Variants in UQCC1 observed in about 807,000 individuals in gnomAD.
The protein encoded by UQCC1 is bFGF-repressed Zic-binding protein.
UQCC1 carries 38 observed loss-of-function variants against 48.0 expected under a neutral mutation model. The ratio of observed to expected loss-of-function variants is 0.79; its 90% CI spans 0.61 to 1.04. The LOEUF (loss-of-function observed/expected upper bound fraction) is 1.04, where lower values mean the gene tolerates loss of function less well. Ranked by LOEUF, UQCC1 falls within the 50% of genes least tolerant of loss-of-function variation. UQCC1 has a pLI of 0.00. For synonymous variants in UQCC1, 111 were observed against 129.2 expected, an observed-to-expected ratio of 0.86 and a Z score of 0.95; for missense variants, 368 against 381.8, an observed-to-expected ratio of 0.96 and a Z score of 0.30.
At chr20:35,371,344 G>GT (rs397721939) in intron 5 of UQCC1, among the ~76,000 whole-genome samples, 77,785 of 144,908 alleles carry the variant, frequency 0.54, 21,874 homozygotes, top group East Asian at 0.67. Flanking sequence ...GGTTTTTTTT[G>GT]TTTTTTTTTT....
intron 7 of UQCC1, among the ~76,000 whole-genome samples, chr20:35,334,489 T>C (rs1259935432): frequency 6.6e-6 from 1 of 152,228 alleles, no homozygotes; most frequent in Non-Finnish European, 1.5e-5. Context: ...ATTCTCTTCT[T>C]GTCTAGCAAA....
chr20:35,386,884 C>T (rs2061950240), intron 2 of UQCC1, among the ~76,000 whole-genome samples: 1 of 151,902 alleles, frequency 6.6e-6, no homozygotes, highest in South Asian at 2.1e-4. Context: ...TATAAACACA[C>T]ACATTTACTT....
intron 5 of UQCC1, among the ~76,000 whole-genome samples, chr20:35,369,502 A>G (rs985032740): frequency 1.3e-5 from 2 of 152,242 alleles, no homozygotes; most frequent in Non-Finnish European, 2.9e-5. Context: ...GTTGGATACA[A>G]TTAAATAGTT....
intron 2 of UQCC1, among the ~76,000 whole-genome samples, chr20:35,391,633 T>TA (rs11483909): frequency 0.94 from 137,128 of 145,462 alleles, 64,719 homozygotes; most frequent in East Asian, 0.99. Flanking sequence ...GACTCTGTCT[T>TA]AAAAAAAAAA....
chr20:35,303,880 C>A lies in UQCC1; in HGVS notation c.*55G>T. On this transcript the variant is annotated 3_prime_UTR_variant, in exon 10 of 10. Coordinates refer to ENST00000374385, the MANE Select transcript of UQCC1 (RefSeq NM_018244.5). ...CAGGGTCCTGGACCAACAGGCACTT[C>A]TCTCCTGGAGGTTCCTCGAAGCCAG... 2.5e-6 allele frequency: 4 copies of A among 1,613,422 alleles called. No homozygotes were observed. Among genetic ancestry groups the A allele is most frequent in the Non-Finnish European group, 3.4e-6 (4 of 1,179,578 alleles).
In UQCC1 at chr20:35,303,105, T is replaced by A. The variant is rs2060888068; in HGVS notation, c.*830A>T. 6.6e-6 allele frequency: 1 copy of A among 152,170 alleles called. No homozygotes were observed. The highest frequency in any genetic ancestry group is 1.5e-5 in the Non-Finnish European group (1 of 68,040). The allele number at this position is 152,170 out of a possible 1,614,324, so 9.4% of individuals were successfully genotyped here. On this transcript the variant is annotated 3_prime_UTR_variant, in exon 10 of 10. Coordinates refer to ENST00000374385, the MANE Select transcript of UQCC1 (RefSeq NM_018244.5). Reference sequence around the variant, plus strand: ...CAACTAAGCCAGGAGGAATGTTCTCTTCTCCCCAGTATCTCATGAAAGGGG... The same window carrying A: ...CAACTAAGCCAGGAGGAATGTTCTCATCTCCCCAGTATCTCATGAAAGGGG...
At chr20:35,352,017 C>T (rs1354103353) in intron 6 of UQCC1, among the ~76,000 whole-genome samples, 1 of 152,236 alleles carries the variant, frequency 6.6e-6, no homozygotes, top group Non-Finnish European at 1.5e-5. Context: ...GTACACCACA[C>T]ATCAACAGCC....
chr20:35,375,947 T>TAAA (rs11367331), intron 4 of UQCC1, among the ~76,000 whole-genome samples: 2 of 64,726 alleles, frequency 3.1e-5, no homozygotes, highest in African/African-American at 1.3e-4. Context: ...GGACCTTGCC[T>TAAA]AAAAAAAAAA....
intron 7 of UQCC1, among the ~76,000 whole-genome samples, chr20:35,342,547 G>A (rs1196774628): frequency 6.6e-6 from 1 of 152,208 alleles, no homozygotes; most frequent in Non-Finnish European, 1.5e-5. Flanking sequence ...AAATCTGCCT[G>A]CACCAGGAGA....
intron 6 of UQCC1, among the ~76,000 whole-genome samples, chr20:35,351,049 A>G (rs2061484988): frequency 6.6e-6 from 1 of 151,842 alleles, no homozygotes. Flanking sequence ...TCTCAAAACA[A>G]AAAAACAAAA....
chr20:35,366,845 G>A (rs2061672958), intron 5 of UQCC1, among the ~76,000 whole-genome samples: 1 of 152,010 alleles, frequency 6.6e-6, no homozygotes, highest in Admixed American at 6.6e-5. Context: ...TGTAATTCCA[G>A]CACTTTGGGA....
intron 8 of UQCC1, among the ~76,000 whole-genome samples, chr20:35,309,723 G>A (rs2146297287): frequency 6.6e-6 from 1 of 152,316 alleles, no homozygotes; most frequent in East Asian, 1.9e-4. Context: ...AAGCCAAGGG[G>A]ATTGTTTCAG....
intron 2 of UQCC1, among the ~76,000 whole-genome samples, chr20:35,388,733 A>G (rs909056022): frequency 3.3e-5 from 5 of 152,158 alleles, no homozygotes; most frequent in African/African-American, 1.2e-4. Flanking sequence ...ATGCACACTT[A>G]ATACCCAGAT....
At chr20:35,348,749 G>A (rs2061458487) in intron 6 of UQCC1, among the ~76,000 whole-genome samples, 1 of 152,112 alleles carries the variant, frequency 6.6e-6, no homozygotes, top group Admixed American at 6.6e-5. Context: ...AACCTCCCGG[G>A]CTTAAGGGAG....
At chr20:35,384,187 T>G (rs2061910224) in intron 2 of UQCC1, 54 bp from the exon 3 acceptor site, 2 of 1,452,198 alleles carry the variant, frequency 1.4e-6, no homozygotes, top group Non-Finnish European at 1.9e-6. Flanking sequence ...AGGGTTAATC[T>G]GAACAGAGCT....
chr20:35,402,163 C>T (rs2062174537), intron 1 of UQCC1, among the ~76,000 whole-genome samples: 1 of 152,138 alleles, frequency 6.6e-6, no homozygotes, highest in South Asian at 2.1e-4. Flanking sequence ...TGAATACAGG[C>T]CGGGCATAGT....
Position 35,359,416 on chromosome 20 carries a change from A to G in UQCC1, c.464+7141T>C, listed in dbSNP as rs76017920. ...ATAAGACAAATCGGAAGGCAACAAC[A>G]CTGTCTGTAGAGTTCAAAGGAATAG... On this transcript the variant is annotated intron_variant, in intron 6 of 9. Transcript: ENST00000374385. Among the ~76,000 whole-genome samples the G allele has an allele frequency of 1.8e-3, 277 of 152,248 alleles. 1 individual carries two copies. The East Asian group carries it at 0.02, about 11-fold the overall frequency.
chr20:35,394,019 A>G, intron 2 of UQCC1, 73 bp downstream of exon 2: 1 of 1,445,650 alleles, frequency 6.9e-7, no homozygotes, highest in Admixed American at 1.7e-5. Flanking sequence ...TTGGTTGGCT[A>G]ATCTATAAAT....
intron 6 of UQCC1, among the ~76,000 whole-genome samples, chr20:35,360,716 T>C (rs773715104): frequency 6.6e-6 from 1 of 152,088 alleles, no homozygotes; most frequent in Non-Finnish European, 1.5e-5. Flanking sequence ...TCCCATATAA[T>C]CTGTACATCA....
Sources: allele counts gnomAD v4.1 joint callset (sites outside exome capture counted in the v4.1 genomes callset), GRCh38; gene constraint gnomAD v4.1.1; transcripts MANE v1.5; gene names NCBI Gene and HGNC (gene_info 2026-07-23, HGNC 2026-07-21).